Variants in CHIC2 observed in about 807,000 individuals in gnomAD.
CHIC2 encodes the protein cysteine-rich hydrophobic domain-containing protein 2.
In CHIC2, 14 loss-of-function variants were observed where a neutral mutation model predicts 25.9. That is an observed-to-expected ratio of 0.54 (90% CI 0.36 to 0.85). The LOEUF (loss-of-function observed/expected upper bound fraction) is 0.85. Among genes scored for constraint, CHIC2 ranks in the 40% least tolerant of loss-of-function variants. CHIC2 has a pLI of 0.01. For synonymous variants in CHIC2, 70 were observed against 72.0 expected (o/e 0.97, Z 0.14); for missense variants, 146 against 202.0 (o/e 0.72, Z 1.68).
chr4:54,057,557 C>G (rs909203282), intron 1 of CHIC2, among the ~76,000 whole-genome samples: 1 of 152,140 alleles, frequency 6.6e-6, no homozygotes, highest in East Asian at 1.9e-4. Flanking sequence ...ATCACAGGAT[C>G]TCATCCATTT....
At chr4:54,032,737 C>T (rs1716272282) in intron 3 of CHIC2, among the ~76,000 whole-genome samples, 1 of 152,166 alleles carries the variant, frequency 6.6e-6, no homozygotes, top group African/African-American at 2.4e-5. Flanking sequence ...ATTTAAGGAA[C>T]TGAGAAACTG....
chr4:54,043,716 C>A (rs1716671211), intron 3 of CHIC2, among the ~76,000 whole-genome samples: 1 of 152,106 alleles, frequency 6.6e-6, no homozygotes, highest in Non-Finnish European at 1.5e-5. Context: ...ATTGTAAAGA[C>A]CATCAAAGCT....
At chr4:54,038,108 C>T (rs368472622) in intron 3 of CHIC2, among the ~76,000 whole-genome samples, 1 of 152,024 alleles carries the variant, frequency 6.6e-6, no homozygotes. Context: ...CACTCCTATT[C>T]AGCATTTTAT....
At chr4:54,012,231 C>T (rs1311054234) in intron 5 of CHIC2, among the ~76,000 whole-genome samples, 4 of 151,942 alleles carry the variant, frequency 2.6e-5, no homozygotes, top group Admixed American at 2.6e-4. Context: ...TACTGGCATG[C>T]CCACTACACC....
chr4:54,059,774 T>C (rs1231519330), intron 1 of CHIC2: 2 of 152,142 alleles, frequency 1.3e-5, no homozygotes, highest in Admixed American at 1.3e-4. Context: ...CAAAGATGTA[T>C]ACAATTACTT....
rs923964105 is a variant in CHIC2 at position 54,017,082 on chromosome 4, T to C, written c.331-2963A>G. Among the ~76,000 whole-genome samples, 3 of 152,286 alleles carry C rather than the reference T, an allele frequency of 2.0e-5. No individual in the cohort carries two copies. The East Asian group carries it at 5.8e-4, about 29-fold the overall frequency. ...TAAAAGCTTTTAAAAGAAAGCACTT[T>C]ATAATTGTAGTCATCTAGATAAAAG... is the stretch of plus-strand genomic sequence containing the variant. On this transcript the variant is annotated intron_variant, in intron 3 of 5. Coordinates refer to ENST00000263921, the MANE Select transcript of CHIC2 (RefSeq NM_012110.4).
chr4:54,054,099 T>C (rs1717094685), intron 1 of CHIC2, among the ~76,000 whole-genome samples: 1 of 152,242 alleles, frequency 6.6e-6, no homozygotes, highest in Non-Finnish European at 1.5e-5. Context: ...ACAAATATTT[T>C]ATAATGTACA....
intron 3 of CHIC2, chr4:54,048,734 T>C: frequency 2.7e-6 from 1 of 367,908 alleles, no homozygotes. Context: ...CATACACTAC[T>C]CCTTGCTTCT....
At chr4:54,086,368 CCTCACCCTTTTA>C in the CHIC2 span, among the ~76,000 whole-genome samples, 1 of 152,058 alleles carries the variant, frequency 6.6e-6, no homozygotes, top group Admixed American at 6.6e-5. Context: ...TCCATCCCAA[CCTCACCCTTTTA>C]CTGCACCATT....
chr4:54,073,022 C>A, the CHIC2 span, among the ~76,000 whole-genome samples: 2 of 151,758 alleles, frequency 1.3e-5, no homozygotes, highest in Non-Finnish European at 2.9e-5. Flanking sequence ...GAGCCGAGAT[C>A]GTGCCACTGC....
intron 3 of CHIC2, among the ~76,000 whole-genome samples, chr4:54,043,484 G>T (rs1221613716): frequency 6.6e-6 from 1 of 150,414 alleles, no homozygotes; most frequent in Non-Finnish European, 1.5e-5. Context: ...CCAGAAGAGA[G>T]TGGGGGCCAA....
intron 1 of CHIC2, among the ~76,000 whole-genome samples, chr4:54,058,605 C>CA (rs1717247140): frequency 6.6e-6 from 1 of 150,514 alleles, no homozygotes; most frequent in Admixed American, 6.6e-5. Context: ...CAATCTTACA[C>CA]AGAAGATACC....
intron 3 of CHIC2, among the ~76,000 whole-genome samples, chr4:54,047,912 T>G (rs1716886048): frequency 1.3e-5 from 2 of 151,956 alleles, no homozygotes; most frequent in African/African-American, 4.8e-5. Flanking sequence ...ATAAATACAA[T>G]TTTTGAAAAT....
At chr4:54,071,477 CA>C in the CHIC2 span, among the ~76,000 whole-genome samples, 3 of 152,212 alleles carry the variant, frequency 2.0e-5, no homozygotes, top group African/African-American at 7.2e-5. Flanking sequence ...AACTGAAGTA[CA>C]AGGAAGTTAG....
chr4:54,052,850 A>G (rs992938605), intron 1 of CHIC2, among the ~76,000 whole-genome samples: 16 of 152,194 alleles, frequency 1.1e-4, no homozygotes, highest in Non-Finnish European at 1.9e-4. Context: ...TCTCTTTAGA[A>G]ATGTAATATT....
At chr4:54,029,720 A>G (rs188249506) in intron 3 of CHIC2, among the ~76,000 whole-genome samples, 3 of 152,316 alleles carry the variant, frequency 2.0e-5, no homozygotes, top group African/African-American at 7.2e-5. Context: ...ACTGACTATA[A>G]ATGGTCAATC....
the CHIC2 span, among the ~76,000 whole-genome samples, chr4:54,090,646 C>T: frequency 7.2e-3 from 1,102 of 152,172 alleles, 15 homozygotes; most frequent in African/African-American, 0.025. Flanking sequence ...GGCGTTGTGC[C>T]AAGGGATGTC....
At chr4:54,034,532 G>A (rs1406312941) in intron 3 of CHIC2, among the ~76,000 whole-genome samples, 1 of 151,682 alleles carries the variant, frequency 6.6e-6, no homozygotes, top group East Asian at 1.9e-4. Flanking sequence ...GTTTTTTTCA[G>A]CTTTCTCTGT....
In CHIC2 at chr4:54,042,066, C is replaced by T. The variant is rs573835900; in HGVS notation, c.330+6889G>A. 1.3e-4 allele frequency among the ~76,000 whole-genome samples: 19 copies of T among 151,304 alleles called. No individual in the cohort carries two copies. The South Asian group carries it at 4.0e-3, about 32-fold the overall frequency. ...ATTATTTTGCCTCCATCTTACAAAGCACCTCTTTCTCCAGGGCCGGTAATA... is the reference window on the plus strand; with the variant it reads ...ATTATTTTGCCTCCATCTTACAAAGTACCTCTTTCTCCAGGGCCGGTAATA... On this transcript the variant is annotated intron_variant, in intron 3 of 5. Transcript: ENST00000263921.
Sources: gnomAD v4.1 joint callset for allele counts (sites outside exome capture counted in the v4.1 genomes callset) on GRCh38, gnomAD v4.1.1 for gene constraint, MANE v1.5 for transcripts, NCBI Gene and HGNC (gene_info 2026-07-23, HGNC 2026-07-21) for gene names.